The following NTNG1 variants were observed in gnomAD, a reference collection of about 807,000 sequenced individuals.
NTNG1 encodes the protein netrin-G1.
In NTNG1, 16 loss-of-function variants were observed where a neutral mutation model predicts 54.0. The observed-to-expected ratio is 0.30, with a 90% CI of 0.20 to 0.45. The LOEUF is 0.45. NTNG1 is among the 20% of genes least tolerant of loss of function. The pLI is 1.00. For missense variants in NTNG1, 530 were observed against 678.7 expected (o/e 0.78, Z 2.43); for synonymous variants, 255 against 263.1 (o/e 0.97, Z 0.30).
At chr1:107,470,825 A>G (rs1245828054) in intron 7 of NTNG1, among the ~76,000 whole-genome samples, 1 of 152,230 alleles carries the variant, frequency 6.6e-6, no homozygotes, top group Non-Finnish European at 1.5e-5. Context: ...TCAATACATC[A>G]TTAATGATCA....
rs1382935992 is a variant in NTNG1, at chr1:107,426,275, G to C, written c.1088-4475G>C. Among the ~76,000 whole-genome samples the C allele has an allele frequency of 2.6e-5, 4 of 151,936 alleles. No homozygotes were observed. In the East Asian group the frequency reaches 7.7e-4, roughly 29 times the overall value. On this transcript the variant is annotated intron_variant, in intron 5 of 7. Coordinates refer to ENST00000370068, the MANE Select transcript of NTNG1 (RefSeq NM_001113226.3). Reference sequence around the variant, plus strand: ...TGATGTGCAAAAGAGTTTCTCCCAGGTTTTCTTCCAGGATTTCTATGGTTT... The same window carrying C: ...TGATGTGCAAAAGAGTTTCTCCCAGCTTTTCTTCCAGGATTTCTATGGTTT...
At chr1:107,151,112 G>A (rs142718407) in intron 2 of NTNG1, among the ~76,000 whole-genome samples, 1 of 152,216 alleles carries the variant, frequency 6.6e-6, no homozygotes, top group East Asian at 1.9e-4. Context: ...ACCTATCAAT[G>A]CTTAATTTGT....
intron 2 of NTNG1, among the ~76,000 whole-genome samples, chr1:107,291,745 T>A (rs1665617320): frequency 6.6e-6 from 1 of 152,184 alleles, no homozygotes; most frequent in African/African-American, 2.4e-5. Flanking sequence ...TATATTTAGT[T>A]GGATGTGAAT....
chr1:107,184,333 G>A (rs1249707201), intron 2 of NTNG1, among the ~76,000 whole-genome samples: 1 of 152,164 alleles, frequency 6.6e-6, no homozygotes, highest in Non-Finnish European at 1.5e-5. Flanking sequence ...ACACACAGCA[G>A]TCACTGTCCA....
chr1:107,224,225 C>A (rs1660534168), intron 2 of NTNG1, among the ~76,000 whole-genome samples: 1 of 152,158 alleles, frequency 6.6e-6, no homozygotes, highest in Non-Finnish European at 1.5e-5. Context: ...CATATGTATT[C>A]ATTACTAAGG....
chr1:107,436,480 A>T (rs1278134389), intron 6 of NTNG1, among the ~76,000 whole-genome samples, 185 bp from the exon 7 acceptor site: 2 of 152,228 alleles, frequency 1.3e-5, no homozygotes, highest in African/African-American at 4.8e-5. Flanking sequence ...TATCATAAAA[A>T]TGATATCATG....
At chr1:107,242,135 G>A (rs1382314135) in intron 2 of NTNG1, among the ~76,000 whole-genome samples, 1 of 151,916 alleles carries the variant, frequency 6.6e-6, no homozygotes, top group Non-Finnish European at 1.5e-5. Context: ...TTATCTGAGC[G>A]TGGTGTTGCG....
rs868617346 is a variant in NTNG1 at position 107,164,619 on chromosome 1, C to T, written c.246+15780C>T. On this transcript the variant is annotated intron_variant, in intron 2 of 7. Transcript: ENST00000370068. ...ACACTTCAAAGAAGAAATTTAAGCT[C>T]CTATGAGAGTATGTAATCTTAATGC... Among the ~76,000 whole-genome samples, 4 of 152,230 alleles carry T rather than the reference C, an allele frequency of 2.6e-5. No homozygotes were observed. The Middle Eastern group carries it at 0.01, about 391-fold the overall frequency.
At chr1:107,305,559 T>C (rs944167482) in intron 2 of NTNG1, among the ~76,000 whole-genome samples, 5 of 152,306 alleles carry the variant, frequency 3.3e-5, no homozygotes, top group Middle Eastern at 6.8e-3. Context: ...TCTGTTTATA[T>C]ACTTCACCCA....
At chr1:107,361,391 A>ATATATATTTTTTTT (rs370815306) in intron 3 of NTNG1, among the ~76,000 whole-genome samples, 14 of 87,974 alleles carry the variant, frequency 1.6e-4, no homozygotes, top group African/African-American at 4.7e-4. Context: ...ATATATATAT[A>ATATATATTTTTTTT]TTTTTTTTTT....
chr1:107,212,191 T>A (rs1659641545), intron 2 of NTNG1, among the ~76,000 whole-genome samples: 1 of 152,156 alleles, frequency 6.6e-6, no homozygotes, highest in Non-Finnish European at 1.5e-5. Context: ...TGTAGTAGCA[T>A]CGCCCACACT....
At chr1:107,435,985 C>T (rs1265452434) in intron 6 of NTNG1, among the ~76,000 whole-genome samples, 4 of 152,104 alleles carry the variant, frequency 2.6e-5, no homozygotes, top group Admixed American at 6.6e-5. Context: ...GCTGTATTGT[C>T]CTGCCAGCAG....
At chr1:107,424,106 T>G (rs1257934363) in intron 5 of NTNG1, among the ~76,000 whole-genome samples, 1 of 152,138 alleles carries the variant, frequency 6.6e-6, no homozygotes, top group African/African-American at 2.4e-5. Context: ...TTATAAATTC[T>G]ATGAAAAAAT....
intron 5 of NTNG1, among the ~76,000 whole-genome samples, chr1:107,415,811 T>A (rs1474943501): frequency 6.6e-6 from 1 of 152,144 alleles, no homozygotes; most frequent in Non-Finnish European, 1.5e-5. Flanking sequence ...AAACTTTCAT[T>A]GGAATTGGAT....
chr1:107,217,938 GT>G (rs1660082088), intron 2 of NTNG1, among the ~76,000 whole-genome samples: 1 of 152,280 alleles, frequency 6.6e-6, no homozygotes, highest in African/African-American at 2.4e-5. Context: ...TGGGCAGAAT[GT>G]TTTGTAAATA....
chr1:107,441,967 G>C (rs1675993728), intron 7 of NTNG1, among the ~76,000 whole-genome samples: 1 of 152,060 alleles, frequency 6.6e-6, no homozygotes, highest in Non-Finnish European at 1.5e-5. Flanking sequence ...CAAGACCACA[G>C]ACTGTATAAG....
At position 107,159,876 on chromosome 1, in the gene NTNG1, T is replaced by C. The variant is rs145092705; in HGVS notation, c.246+11037T>C. 1.2e-4 allele frequency among the ~76,000 whole-genome samples: 19 copies of C among 152,334 alleles called. No individual in the cohort carries two copies. The East Asian group carries it at 3.7e-3, about 29-fold the overall frequency. On this transcript the variant is annotated intron_variant, in intron 2 of 7. Coordinates refer to ENST00000370068, the MANE Select transcript of NTNG1 (RefSeq NM_001113226.3). Reference sequence around the variant, plus strand: ...TAAGAGAACTGATCAACAGTGTTTGTTTCCATTCTTGCTTTCTTTTCCATT... The same window carrying C: ...TAAGAGAACTGATCAACAGTGTTTGCTTCCATTCTTGCTTTCTTTTCCATT...
chr1:107,454,954 G>C (rs907077520), intron 7 of NTNG1, among the ~76,000 whole-genome samples: 2 of 152,178 alleles, frequency 1.3e-5, no homozygotes, highest in African/African-American at 4.8e-5. Context: ...TCATCGTTCA[G>C]GTGCTACGTG....
intron 2 of NTNG1, among the ~76,000 whole-genome samples, chr1:107,242,500 G>T (rs1020131650): frequency 1.3e-5 from 2 of 152,158 alleles, no homozygotes; most frequent in Non-Finnish European, 2.9e-5. Context: ...AACAATTGCA[G>T]ATTAGCCTCT....
Sources: allele counts gnomAD v4.1 joint callset (sites outside exome capture counted in the v4.1 genomes callset), GRCh38; gene constraint gnomAD v4.1.1; transcripts MANE v1.5; gene names NCBI Gene and HGNC (gene_info 2026-07-23, HGNC 2026-07-21).